STK31: variants seen among roughly 807,000 people sequenced by gnomAD.
The protein encoded by STK31 is serine/threonine kinase 31.
Under a neutral mutation model 129.7 loss-of-function variants are expected in STK31, and 89 were observed. The ratio of observed to expected loss-of-function variants is 0.69; its 90% confidence interval spans 0.58 to 0.82. The LOEUF (loss-of-function observed/expected upper bound fraction) is 0.82, where lower values mean the gene tolerates loss of function less well. Among genes scored for constraint, STK31 ranks in the 40% least tolerant of loss-of-function variants. The pLI is 0.00. For missense variants in STK31, 1,187 were observed against 1,176.4 expected, an observed-to-expected ratio of 1.01 and a Z score of -0.13; for synonymous variants, 448 against 395.3, an observed-to-expected ratio of 1.13 and a Z score of -1.58.
chr7:23,712,650 A>G (rs1786046244), intron 3 of STK31, among the ~76,000 whole-genome samples: 1 of 152,114 alleles, frequency 6.6e-6, no homozygotes, highest in African/African-American at 2.4e-5. Flanking sequence ...TTGAAGGAGG[A>G]TAAGTTAAAA....
At chr7:23,800,175 C>T (rs1584468939) in intron 22 of STK31, among the ~76,000 whole-genome samples, 1 of 152,088 alleles carries the variant, frequency 6.6e-6, no homozygotes, top group Non-Finnish European at 1.5e-5. Flanking sequence ...AATAGTGTAG[C>T]GATTCCTCAG....
At chr7:23,797,913 C>G (rs1403764890) in intron 22 of STK31, among the ~76,000 whole-genome samples, 11 of 152,022 alleles carry the variant, frequency 7.2e-5, no homozygotes, top group African/African-American at 1.9e-4. Flanking sequence ...AATGATAAAG[C>G]AGAAATCACC....
chr7:23,824,205 C>T (rs1452208682), intron 23 of STK31, among the ~76,000 whole-genome samples: 6 of 152,106 alleles, frequency 3.9e-5, no homozygotes, highest in African/African-American at 9.7e-5. Flanking sequence ...GCCATTTTCT[C>T]GATATTGATT....
chr7:23,723,391 A>G (rs1008226456), intron 4 of STK31, among the ~76,000 whole-genome samples: 4 of 152,174 alleles, frequency 2.6e-5, no homozygotes, highest in Non-Finnish European at 4.4e-5. Flanking sequence ...CATTGGAGCC[A>G]ACTCATTCCT....
At chr7:23,730,412 G>A (rs1218540828) in intron 6 of STK31, among the ~76,000 whole-genome samples, 1 of 152,122 alleles carries the variant, frequency 6.6e-6, no homozygotes, top group East Asian at 1.9e-4. Flanking sequence ...TCATAAACAT[G>A]AAATATAGAT....
rs372093920 is a variant in STK31, at chr7:23,785,457, G to C, written c.2149-21G>C. 1.5e-5 allele frequency: 24 copies of C among 1,608,974 alleles called. No homozygotes were observed. In the East Asian group the frequency reaches 5.4e-4, roughly 36 times the overall value. ...CTGGGATTGTTTGGATTCTTTAACT[G>C]TGATAAAAACTTGTGCCTAGAACTC... On this transcript the variant is annotated intron_variant, in intron 17 of 23. Coordinates refer to ENST00000355870, the MANE Select transcript of STK31 (RefSeq NM_031414.5).
intron 22 of STK31, among the ~76,000 whole-genome samples, chr7:23,792,988 C>G (rs1443062991): frequency 6.6e-6 from 1 of 152,206 alleles, no homozygotes; most frequent in African/African-American, 2.4e-5. Flanking sequence ...CTCCACTGCA[C>G]TCCAGCCTAG....
intron 15 of STK31, among the ~76,000 whole-genome samples, chr7:23,779,843 A>C (rs572719481): frequency 3.3e-5 from 5 of 152,266 alleles, no homozygotes; most frequent in African/African-American, 7.2e-5. Flanking sequence ...CAGGGGAGTC[A>C]ACGGTTCTGT....
At chr7:23,802,429 C>A (rs1792434162) in intron 22 of STK31, among the ~76,000 whole-genome samples, 1 of 152,104 alleles carries the variant, frequency 6.6e-6, no homozygotes, top group African/African-American at 2.4e-5. Flanking sequence ...CACTGTGGTG[C>A]CTAGATAAGG....
chr7:23,801,219 ATTG>A (rs1409883770), intron 22 of STK31, among the ~76,000 whole-genome samples: 1 of 152,108 alleles, frequency 6.6e-6, no homozygotes, highest in Non-Finnish European at 1.5e-5. Context: ...GGCACCTCGT[ATTG>A]TTATTATCTT....
chr7:23,778,597 A>G (rs1790708082), intron 15 of STK31, among the ~76,000 whole-genome samples: 1 of 151,124 alleles, frequency 6.6e-6, no homozygotes, highest in African/African-American at 2.4e-5. Flanking sequence ...TCAATGTCTG[A>G]TATCCTTTCT....
intron 15 of STK31, among the ~76,000 whole-genome samples, chr7:23,774,450 C>G (rs1790410012): frequency 6.6e-6 from 1 of 152,142 alleles, no homozygotes; most frequent in African/African-American, 2.4e-5. Context: ...TCTGTTGTTT[C>G]CTGACTTTTT....
chr7:23,767,945 G>C (rs566535525), intron 11 of STK31, among the ~76,000 whole-genome samples: 3 of 151,968 alleles, frequency 2.0e-5, no homozygotes, highest in African/African-American at 7.2e-5. Context: ...AATTTCTAGG[G>C]TTTGATTTCT....
intron 23 of STK31, among the ~76,000 whole-genome samples, chr7:23,827,021 C>T (rs1562638169): frequency 1.3e-5 from 2 of 152,084 alleles, no homozygotes; most frequent in African/African-American, 4.8e-5. Flanking sequence ...ACTCTGGCTG[C>T]CGTTAACATT....
At chr7:23,818,145 A>G (rs1334854283) in intron 23 of STK31, among the ~76,000 whole-genome samples, 1 of 152,082 alleles carries the variant, frequency 6.6e-6, no homozygotes, top group East Asian at 1.9e-4. Flanking sequence ...GCATATCAAC[A>G]AGATCTACCT....
At chr7:23,822,574 AAG>A (rs1440671421) in intron 23 of STK31, among the ~76,000 whole-genome samples, 9 of 152,258 alleles carry the variant, frequency 5.9e-5, no homozygotes, top group African/African-American at 2.2e-4. Flanking sequence ...GTCATCTGCA[AAG>A]AGGGACAGTT....
intron 17 of STK31, among the ~76,000 whole-genome samples, chr7:23,783,997 A>G (rs1252528122): frequency 6.6e-6 from 1 of 152,200 alleles, no homozygotes; most frequent in Non-Finnish European, 1.5e-5. Context: ...AAAACAAGAT[A>G]TTGCTAGCCC....
chr7:23,798,731 T>G (rs1278159864), intron 22 of STK31, among the ~76,000 whole-genome samples: 1 of 152,186 alleles, frequency 6.6e-6, no homozygotes, highest in East Asian at 1.9e-4. Flanking sequence ...TTTAACATAC[T>G]ATTGCAAGTT....
At chr7:23,776,859 A>C (rs147323350) in intron 15 of STK31, among the ~76,000 whole-genome samples, 8 of 151,908 alleles carry the variant, frequency 5.3e-5, no homozygotes, top group African/African-American at 1.9e-4. Flanking sequence ...CTTGTCTTCT[A>C]CTAGCTTTTG....
Sources: gnomAD v4.1 joint callset for allele counts (sites outside exome capture counted in the v4.1 genomes callset) on GRCh38, gnomAD v4.1.1 for gene constraint, MANE v1.5 for transcripts, NCBI Gene and HGNC (gene_info 2026-07-23, HGNC 2026-07-21) for gene names.